Variants in CTNNA2 observed in about 807,000 individuals in gnomAD.
CTNNA2 encodes the protein catenin alpha-2.
In CTNNA2, 42 loss-of-function variants were observed where a neutral mutation model predicts 101.0. That is an observed-to-expected ratio of 0.42 (90% confidence interval 0.32 to 0.54). The LOEUF is 0.54. Among genes scored for constraint, CTNNA2 ranks in the 20% least tolerant of loss-of-function variants. The pLI is 0.14. For missense variants in CTNNA2, 871 were observed against 1,223.1 expected, an observed-to-expected ratio of 0.71 and a Z score of 4.29; for synonymous variants, 450 against 456.4, an observed-to-expected ratio of 0.99 and a Z score of 0.18.
intron 7 of CTNNA2, among the ~76,000 whole-genome samples, chr2:80,018,721 C>T (rs928838311): frequency 1.4e-5 from 2 of 147,686 alleles, no homozygotes; most frequent in African/African-American, 5.0e-5. Flanking sequence ...ACAGAGGTTG[C>T]AGTGAGCTAA....
chr2:79,456,150 A>G (rs972393389), intron 4 of CTNNA2, among the ~76,000 whole-genome samples: 1 of 150,778 alleles, frequency 6.6e-6, no homozygotes, highest in Admixed American at 6.6e-5. Flanking sequence ...TATAATTTAA[A>G]TTATTTAATA....
At chr2:79,854,758 A>G (rs182046985) in intron 3 of CTNNA2, among the ~76,000 whole-genome samples, 2 of 152,340 alleles carry the variant, frequency 1.3e-5, no homozygotes, top group East Asian at 1.9e-4. Flanking sequence ...TAGGTCTATA[A>G]TCAAGTACAT....
chr2:79,653,214 C>T (rs150511806), intron 2 of CTNNA2, among the ~76,000 whole-genome samples: 18 of 152,262 alleles, frequency 1.2e-4, no homozygotes, highest in African/African-American at 3.8e-4. Flanking sequence ...GGGCCTAGTT[C>T]AGAATTATTT....
chr2:80,441,969 T>C (rs946780810), intron 9 of CTNNA2, among the ~76,000 whole-genome samples: 6 of 152,262 alleles, frequency 3.9e-5, no homozygotes, highest in African/African-American at 1.4e-4. Flanking sequence ...CAGTCCTCCA[T>C]GGGCAGGTGG....
intron 7 of CTNNA2, chr2:80,299,651 A>G (rs1421426641): frequency 2.6e-5 from 4 of 152,364 alleles, no homozygotes; most frequent in East Asian, 1.9e-4. Context: ...GGAGTAGCAT[A>G]AAACAAAGCA....
At chr2:80,374,707 G>GTGTGTGTC (rs1675772855) in intron 7 of CTNNA2, among the ~76,000 whole-genome samples, 1 of 151,652 alleles carries the variant, frequency 6.6e-6, no homozygotes, top group Admixed American at 6.6e-5. Flanking sequence ...GTGTGTGTGT[G>GTGTGTGTC]TGTGTGTGTC....
chr2:80,627,288 C>G (rs1447598495), intron 18 of CTNNA2, among the ~76,000 whole-genome samples: 1 of 152,134 alleles, frequency 6.6e-6, no homozygotes, highest in African/African-American at 2.4e-5. Flanking sequence ...TGAAGAATCG[C>G]CACACTGTCT....
At chr2:80,119,437 GA>G (rs1701711055) in intron 7 of CTNNA2, among the ~76,000 whole-genome samples, 1 of 152,146 alleles carries the variant, frequency 6.6e-6, no homozygotes, top group Non-Finnish European at 1.5e-5. Flanking sequence ...GCAAGGACTA[GA>G]TAATGGTTGT....
At chr2:79,319,938 G>A (rs1296670101) in intron 3 of CTNNA2, 1 of 152,190 alleles carries the variant, frequency 6.6e-6, no homozygotes, top group South Asian at 2.1e-4. Flanking sequence ...CAATTGTGTT[G>A]TTTGACATTG....
At chr2:80,076,418 A>G (rs1186397216) in intron 7 of CTNNA2, among the ~76,000 whole-genome samples, 1 of 151,916 alleles carries the variant, frequency 6.6e-6, no homozygotes, top group Non-Finnish European at 1.5e-5. Flanking sequence ...AGCTGGGACC[A>G]CAGATATGTG....
intron 2 of CTNNA2, among the ~76,000 whole-genome samples, chr2:79,220,575 A>G (rs12467106): frequency 0.82 from 124,832 of 151,864 alleles, 51,715 homozygotes; most frequent in East Asian, 0.99. Context: ...GGAGGAGGCA[A>G]GGAGGGCGAT....
At chr2:80,393,847 A>C (rs1196843947) in intron 8 of CTNNA2, among the ~76,000 whole-genome samples, 1 of 152,158 alleles carries the variant, frequency 6.6e-6, no homozygotes, top group Non-Finnish European at 1.5e-5. Flanking sequence ...ATTTTTCTTA[A>C]CAGGGAGAAA....
In CTNNA2 at chr2:80,320,472, C is replaced by T. The variant is rs1220385946; in HGVS notation, c.1057-72739C>T. ...CCTTCACCTTCTCCGAATTGTGATA[C>T]AGTCAGCTGCTCGCCTCATAGAGTA... is the stretch of plus-strand genomic sequence containing the variant. On this transcript the variant is annotated intron_variant, in intron 7 of 18. Coordinates refer to ENST00000402739, the MANE Select transcript of CTNNA2 (RefSeq NM_001282597.3). Among the ~76,000 whole-genome samples, 4 of 152,168 alleles carry T rather than the reference C, an allele frequency of 2.6e-5. No homozygotes were observed. In the East Asian group the frequency reaches 7.7e-4, roughly 29 times the overall value.
chr2:80,336,628 C>T (rs1210599195), intron 7 of CTNNA2, among the ~76,000 whole-genome samples: 3 of 152,128 alleles, frequency 2.0e-5, no homozygotes, highest in African/African-American at 7.2e-5. Flanking sequence ...CTATATAGTA[C>T]TTTGAGTTTT....
intron 2 of CTNNA2, among the ~76,000 whole-genome samples, chr2:79,668,120 G>A (rs985567273): frequency 2.0e-5 from 3 of 150,704 alleles, no homozygotes; most frequent in Non-Finnish European, 4.4e-5. Flanking sequence ...GGCGCCTGTA[G>A]TCCCAGCTAC....
At chr2:80,582,563 C>A (rs1695629219) in intron 14 of CTNNA2, among the ~76,000 whole-genome samples, 1 of 152,128 alleles carries the variant, frequency 6.6e-6, no homozygotes, top group South Asian at 2.1e-4. Context: ...ATCTGATTTG[C>A]TGTATCACCC....
At chr2:80,495,765 C>A (rs1405642830) in intron 9 of CTNNA2, among the ~76,000 whole-genome samples, 1 of 151,748 alleles carries the variant, frequency 6.6e-6, no homozygotes, top group Non-Finnish European at 1.5e-5. Context: ...ATGCTGAAAC[C>A]CCATCTCTAC....
At position 79,832,640 on chromosome 2, in the gene CTNNA2, CTGAG is replaced by C. The variant is rs541739729; in HGVS notation, c.299-25370_299-25367del. ...TTGCTGCAAGAGACCTTGAGAGAGA[CTGAG>C]TGTCAGCCCTTTGTCTTCATGTGCA... On this transcript the variant is annotated intron_variant, in intron 3 of 18. Transcript: ENST00000402739. Among the ~76,000 whole-genome samples the C allele has an allele frequency of 6.6e-5, 10 of 152,296 alleles. No homozygotes were observed. The South Asian group carries it at 8.3e-4, about 13-fold the overall frequency.
intron 7 of CTNNA2, among the ~76,000 whole-genome samples, chr2:80,124,947 G>T (rs1702034517): frequency 6.6e-6 from 1 of 152,178 alleles, no homozygotes. Context: ...TGGAGCAGGG[G>T]CCAAGGCAGA....
Sources: allele counts gnomAD v4.1 joint callset (sites outside exome capture counted in the v4.1 genomes callset), GRCh38; gene constraint gnomAD v4.1.1; transcripts MANE v1.5; gene names NCBI Gene and HGNC (gene_info 2026-07-23, HGNC 2026-07-21).